RPS6KC1: variants seen among roughly 807,000 people sequenced by gnomAD.
RPS6KC1 encodes the protein inactive ribosomal protein S6 kinase delta-1.
Under a neutral mutation model 103.8 loss-of-function variants are expected in RPS6KC1, and 54 were observed. The observed-to-expected ratio is 0.52, with a 90% CI of 0.42 to 0.65. The LOEUF (loss-of-function observed/expected upper bound fraction) is 0.65. Among genes scored for constraint, RPS6KC1 ranks in the 30% least tolerant of loss-of-function variants. RPS6KC1 has a pLI of 0.00. For missense variants in RPS6KC1, 1,151 were observed against 1,253.8 expected (o/e 0.92, Z 1.24); for synonymous variants, 439 against 438.7 (o/e 1.00, Z -0.01).
chr1:213,103,572 G>A (rs1398466864), intron 3 of RPS6KC1, among the ~76,000 whole-genome samples: 1 of 152,176 alleles, frequency 6.6e-6, no homozygotes, highest in Non-Finnish European at 1.5e-5. Context: ...GGGTATTTTA[G>A]TGGTTCAGTT....
intron 5 of RPS6KC1, among the ~76,000 whole-genome samples, chr1:213,125,368 A>G (rs2084859391): frequency 6.6e-6 from 1 of 152,126 alleles, no homozygotes; most frequent in African/African-American, 2.4e-5. Context: ...GAGATATCAT[A>G]ATCTATTATT....
chr1:213,765,693 AC>A, the RPS6KC1 span, among the ~76,000 whole-genome samples: 237 of 151,468 alleles, frequency 1.6e-3, 1 homozygote, highest in African/African-American at 5.5e-3. Context: ...TACCCACTCT[AC>A]CCTCGCCAGC....
chr1:213,804,237 C>T, the RPS6KC1 span, among the ~76,000 whole-genome samples: 1 of 149,266 alleles, frequency 6.7e-6, no homozygotes, highest in Non-Finnish European at 1.5e-5. Context: ...GACCAATGCT[C>T]CAGAGAACAC....
the RPS6KC1 span, among the ~76,000 whole-genome samples, chr1:213,757,594 G>T: frequency 2.0e-5 from 3 of 152,214 alleles, no homozygotes; most frequent in Non-Finnish European, 4.4e-5. Context: ...AAAATTCAAG[G>T]TGGAGCAGCA....
At chr1:213,404,476 C>A in the RPS6KC1 span, among the ~76,000 whole-genome samples, 1 of 152,140 alleles carries the variant, frequency 6.6e-6, no homozygotes, top group Non-Finnish European at 1.5e-5. Flanking sequence ...TTCTTACATT[C>A]CTCCTCCCCT....
the RPS6KC1 span, among the ~76,000 whole-genome samples, chr1:213,304,491 T>G: frequency 6.6e-6 from 1 of 152,046 alleles, no homozygotes; most frequent in African/African-American, 2.4e-5. Flanking sequence ...ATGCATATTA[T>G]GTATTATTAT....
chr1:213,610,525 C>A, the RPS6KC1 span, among the ~76,000 whole-genome samples: 1 of 152,298 alleles, frequency 6.6e-6, no homozygotes, highest in African/African-American at 2.4e-5. Flanking sequence ...ACAGAGGAAG[C>A]ACAGGCGACT....
the RPS6KC1 span, among the ~76,000 whole-genome samples, chr1:213,530,628 T>C: frequency 6.6e-6 from 1 of 152,228 alleles, no homozygotes; most frequent in Non-Finnish European, 1.5e-5. Context: ...ATGCATATGG[T>C]CCTACTCTCA....
At chr1:213,446,935 C>T in the RPS6KC1 span, among the ~76,000 whole-genome samples, 4 of 152,110 alleles carry the variant, frequency 2.6e-5, no homozygotes, top group African/African-American at 9.7e-5. Flanking sequence ...GTAGTAGGCT[C>T]CTGGAGGGCA....
chr1:213,322,656 A>G, the RPS6KC1 span, among the ~76,000 whole-genome samples: 1 of 152,210 alleles, frequency 6.6e-6, no homozygotes, highest in East Asian at 1.9e-4. Flanking sequence ...TCTAGAGGAG[A>G]GTCCATTTTC....
chr1:213,806,365 A>G, the RPS6KC1 span, among the ~76,000 whole-genome samples: 2 of 152,214 alleles, frequency 1.3e-5, no homozygotes, highest in Non-Finnish European at 2.9e-5. Flanking sequence ...AAAAGAAAAA[A>G]AAATCAGTAA....
the RPS6KC1 span, among the ~76,000 whole-genome samples, chr1:213,337,519 A>C: frequency 6.6e-6 from 1 of 152,222 alleles, no homozygotes; most frequent in South Asian, 2.1e-4. Flanking sequence ...TGGAGGACAC[A>C]GGAGGTACGG....
downstream of RPS6KC1, among the ~76,000 whole-genome samples, chr1:213,276,435 G>C (rs80269166): frequency 0.018 from 2,744 of 152,280 alleles, 38 homozygotes; most frequent in Non-Finnish European, 0.03. Context: ...GCAAAGTCTA[G>C]AGTGGTGTCC....
the RPS6KC1 span, among the ~76,000 whole-genome samples, chr1:213,381,445 G>T: frequency 5.8e-3 from 887 of 152,090 alleles, 8 homozygotes; most frequent in Middle Eastern, 0.017. Context: ...TGTGATTTAG[G>T]GGTGTTGCGT....
chr1:213,755,514 C>T, the RPS6KC1 span, among the ~76,000 whole-genome samples: 4 of 152,164 alleles, frequency 2.6e-5, no homozygotes, highest in Non-Finnish European at 4.4e-5. Context: ...GAAGAGCCTC[C>T]AGTCAAATGG....
chr1:213,186,624 G>A (rs550617518), intron 8 of RPS6KC1, among the ~76,000 whole-genome samples: 156 of 152,028 alleles, frequency 1.0e-3, no homozygotes, highest in Non-Finnish European at 1.9e-3. Flanking sequence ...TATATCTTTC[G>A]GAAAAATTTC....
intron 1 of RPS6KC1, among the ~76,000 whole-genome samples, chr1:213,065,045 T>C (rs190642668): frequency 2.8e-5 from 4 of 140,444 alleles, no homozygotes; most frequent in South Asian, 2.4e-4. Context: ...GGCGCGATCT[T>C]GGCTCACTGC....
chr1:213,111,538 T>C (rs2083030109), intron 4 of RPS6KC1, among the ~76,000 whole-genome samples: 2 of 152,178 alleles, frequency 1.3e-5, no homozygotes, highest in South Asian at 4.1e-4. Flanking sequence ...AAATAAAATA[T>C]TTAGGATTAT....
the RPS6KC1 span, among the ~76,000 whole-genome samples, chr1:213,464,573 G>A: frequency 6.6e-6 from 1 of 152,026 alleles, no homozygotes; most frequent in South Asian, 2.1e-4. Flanking sequence ...TAGTTTCTGA[G>A]TGTATCTTCA....
Sources: allele counts gnomAD v4.1 joint callset (sites outside exome capture counted in the v4.1 genomes callset), GRCh38; gene constraint gnomAD v4.1.1; transcripts MANE v1.5; gene names NCBI Gene and HGNC (gene_info 2026-07-23, HGNC 2026-07-21).